Variants in IL1RAP observed in about 807,000 individuals in gnomAD.
The protein encoded by IL1RAP is interleukin 1 receptor accessory protein.
In IL1RAP, 35 loss-of-function variants were observed where a neutral mutation model predicts 60.7. The observed-to-expected ratio is 0.58, with a 90% CI of 0.44 to 0.76. The LOEUF (loss-of-function observed/expected upper bound fraction) is 0.76. Among genes scored for constraint, IL1RAP ranks in the 30% least tolerant of loss-of-function variants. The pLI is 0.00. For synonymous variants in IL1RAP, 268 were observed against 250.9 expected (o/e 1.07, Z -0.64); for missense variants, 572 against 693.9 (o/e 0.82, Z 1.97).
chr3:190,564,128 A>C (rs1726156238), intron 2 of IL1RAP, 161 bp from the exon 3 acceptor site: 2 of 576,904 alleles, frequency 3.5e-6, no homozygotes, highest in Non-Finnish European at 6.3e-6. Context: ...ACAAAATAAA[A>C]CCTGTCTTAT....
intron 3 of IL1RAP, among the ~76,000 whole-genome samples, chr3:190,593,295 C>T (rs920179731): frequency 4.6e-5 from 7 of 152,250 alleles, no homozygotes; most frequent in East Asian, 1.9e-4. Flanking sequence ...CATGAGGATG[C>T]GTGATGGATG....
At chr3:190,633,619 C>T (rs1345053496) in intron 9 of IL1RAP, among the ~76,000 whole-genome samples, 18 of 152,164 alleles carry the variant, frequency 1.2e-4, no homozygotes, top group Admixed American at 1.2e-3. Context: ...AGCCTCCCTC[C>T]CAAAGTGCTG....
downstream of IL1RAP, among the ~76,000 whole-genome samples, chr3:190,654,671 A>G (rs1734552322): frequency 1.3e-5 from 2 of 152,342 alleles, no homozygotes; most frequent in Middle Eastern, 3.4e-3. Context: ...ACAATGACCA[A>G]TGCAAACTTT....
rs11925902 is a variant in IL1RAP at position 190,630,195 on chromosome 3, G to A, written c.1051+697G>A. On this transcript the variant is annotated intron_variant, in intron 9 of 11. Transcript: ENST00000447382. ...ATCATTTAAATTATGATTTTAAATG[G>A]TATAAACATGATTTCTATGTTGATA... 5.3e-3 allele frequency: 3,931 copies of A among 745,674 alleles called. 136 individuals carry two copies. The African/African-American group carries it at 0.07, about 13-fold the overall frequency. 46.2% of individuals were successfully genotyped at this position (745,674 alleles called of 1,614,324 possible). A position where few individuals can be genotyped will look rare whatever the true frequency, so the allele number is the denominator to read the frequency against.
chr3:190,651,839 A>G (rs1218160802), downstream of IL1RAP, among the ~76,000 whole-genome samples: 2 of 151,440 alleles, frequency 1.3e-5, no homozygotes, highest in Non-Finnish European at 1.5e-5. Flanking sequence ...AGACTGTCAA[A>G]AAGATGGAAA....
At chr3:190,614,892 G>T (rs540638767) in intron 5 of IL1RAP, among the ~76,000 whole-genome samples, 44 of 152,224 alleles carry the variant, frequency 2.9e-4, no homozygotes, top group South Asian at 8.3e-4. Flanking sequence ...GGTGTGGACT[G>T]GACCGTGGGA....
chr3:190,541,506 CT>C (rs1443684164), intron 1 of IL1RAP, among the ~76,000 whole-genome samples: 2 of 152,064 alleles, frequency 1.3e-5, no homozygotes, highest in African/African-American at 4.8e-5. Context: ...TAAAGTTTTA[CT>C]TTTTCTGAGT....
chr3:190,593,736 A>G (rs951899846), intron 3 of IL1RAP, among the ~76,000 whole-genome samples: 9 of 152,004 alleles, frequency 5.9e-5, no homozygotes, highest in African/African-American at 1.9e-4. Context: ...ACCTCCCACC[A>G]TGTCCCTCCC....
At chr3:190,575,813 G>C (rs1727392718) in intron 3 of IL1RAP, among the ~76,000 whole-genome samples, 1 of 152,358 alleles carries the variant, frequency 6.6e-6, no homozygotes, top group East Asian at 1.9e-4. Flanking sequence ...GTTTTTCCCA[G>C]TATGGCGGAC....
intron 3 of IL1RAP, among the ~76,000 whole-genome samples, chr3:190,593,572 A>G (rs976226237): frequency 1.3e-5 from 2 of 152,166 alleles, no homozygotes; most frequent in Admixed American, 1.3e-4. Context: ...CAATCATGGC[A>G]GAAGGCAAAT....
chr3:190,609,809 A>G, intron 5 of IL1RAP, among the ~76,000 whole-genome samples: 1 of 152,162 alleles, frequency 6.6e-6, no homozygotes, highest in African/African-American at 2.4e-5. Flanking sequence ...AAGTTAACTG[A>G]GACAAGCCAC....
intron 1 of IL1RAP, among the ~76,000 whole-genome samples, chr3:190,521,431 T>C (rs1722008300): frequency 1.3e-5 from 2 of 151,810 alleles, no homozygotes; most frequent in Non-Finnish European, 2.9e-5. Flanking sequence ...ACTTGGACCC[T>C]AGTTTTCTAA....
chr3:190,580,782 A>G (rs1727930391), intron 3 of IL1RAP, among the ~76,000 whole-genome samples: 1 of 152,208 alleles, frequency 6.6e-6, no homozygotes, highest in Non-Finnish European at 1.5e-5. Flanking sequence ...CTAGGAAATT[A>G]AATGTTACAT....
At chr3:190,657,206 G>C (rs1277744868) in exon 12 of IL1RAP, 2 of 152,122 alleles carry the variant, frequency 1.3e-5, no homozygotes, top group East Asian at 3.8e-4. Context: ...CATTTTATTT[G>C]TACTAACAAA....
downstream of IL1RAP, among the ~76,000 whole-genome samples, chr3:190,652,256 G>A (rs1734436955): frequency 6.6e-6 from 1 of 151,592 alleles, no homozygotes; most frequent in Non-Finnish European, 1.5e-5. Flanking sequence ...GAGGTCAGGA[G>A]ATCGAGACCA....
chr3:190,561,472 CTT>C (rs1258947836), intron 2 of IL1RAP, among the ~76,000 whole-genome samples: 1 of 152,178 alleles, frequency 6.6e-6, no homozygotes, highest in Non-Finnish European at 1.5e-5. Flanking sequence ...TGACCTGACT[CTT>C]TGCTGCCTTC....
intron 3 of IL1RAP, among the ~76,000 whole-genome samples, chr3:190,596,317 A>T (rs2108732083): frequency 6.6e-6 from 1 of 151,710 alleles, no homozygotes; most frequent in East Asian, 1.9e-4. Flanking sequence ...GTGAGGATAC[A>T]TTTGGGACAA....
intron 3 of IL1RAP, among the ~76,000 whole-genome samples, chr3:190,591,839 T>G (rs1728965433): frequency 6.6e-6 from 1 of 152,202 alleles, no homozygotes; most frequent in African/African-American, 2.4e-5. Context: ...AGCTAATGAC[T>G]GCTTAGCGTT....
Position 190,648,585 on chromosome 3 carries a change from C to T in IL1RAP, c.1593C>T (p.Ser531=). The T allele has an allele frequency of 6.2e-7, 1 of 1,614,124 alleles. No individual in the cohort carries two copies. The highest frequency in any genetic ancestry group is 8.5e-7 in the Non-Finnish European group (1 of 1,180,030). Residue 531 remains serine, a synonymous_variant, in exon 12 of 12, where the codon TCC becomes TCT. Transcript: ENST00000447382. ...TCATTAAATGGAAAGGGGAAAAATC[C>T]AAGTATCCACAGGGCAGGTTCTGGA... is the stretch of plus-strand genomic sequence containing the variant. The part of the protein sequence containing the change: ...LTVIKWKGEK[S]KYPQGRFWKQ...
Sources: gnomAD v4.1 joint callset for allele counts (sites outside exome capture counted in the v4.1 genomes callset) on GRCh38, gnomAD v4.1.1 for gene constraint, MANE v1.5 for transcripts, NCBI Gene and HGNC (gene_info 2026-07-23, HGNC 2026-07-21) for gene names.